The following SEC23A variants were observed in gnomAD, a reference collection of about 807,000 sequenced individuals.
The protein encoded by SEC23A is SEC23 homolog A, COPII component, also known as protein transport protein Sec23A.
A neutral mutation model predicts 103.7 loss-of-function variants in SEC23A; 56 were observed. That is an observed-to-expected ratio of 0.54 (90% CI 0.44 to 0.67). The LOEUF is 0.67. Ranked by LOEUF, SEC23A falls within the 30% of genes least tolerant of loss-of-function variation. SEC23A has a pLI of 0.00. For missense variants in SEC23A, 784 were observed against 936.4 expected (o/e 0.84, Z 2.12); for synonymous variants, 281 against 293.0 (o/e 0.96, Z 0.42).
intron 19 of SEC23A, among the ~76,000 whole-genome samples, chr14:39,035,442 T>A (rs1350289623): frequency 6.6e-6 from 1 of 152,198 alleles, no homozygotes; most frequent in Non-Finnish European, 1.5e-5. Context: ...TGAAAACTAA[T>A]AGCTAACATT....
chr14:39,074,760 C>A (rs1566501088), intron 8 of SEC23A, among the ~76,000 whole-genome samples: 1 of 152,166 alleles, frequency 6.6e-6, no homozygotes, highest in Non-Finnish European at 1.5e-5. Context: ...CTAAATGAAG[C>A]CAAACTTAAA....
Position 39,042,768 on chromosome 14 carries a change from A to C in SEC23A, c.1986+18T>G. The C allele has an allele frequency of 6.6e-7, 1 of 1,506,930 alleles. No individual in the cohort carries two copies. The highest frequency in any genetic ancestry group is 9.2e-7 in the Non-Finnish European group (1 of 1,082,592). The allele number at this position is 1,506,930 out of a possible 1,614,324, so 93.3% of individuals were successfully genotyped here. A position where few individuals can be genotyped will look rare whatever the true frequency, so the allele number is the denominator to read the frequency against. ...AAAGACTTTACATGCATAGCTTTAAATGCTATTGAAATCTTACCTCACCAT... is the reference window on the plus strand; with the variant it reads ...AAAGACTTTACATGCATAGCTTTAACTGCTATTGAAATCTTACCTCACCAT... On this transcript the variant is annotated intron_variant, in intron 17 of 19. Transcript: ENST00000307712.
intron 13 of SEC23A, among the ~76,000 whole-genome samples, chr14:39,058,324 G>A (rs979336103): frequency 8.7e-5 from 13 of 149,728 alleles, no homozygotes; most frequent in African/African-American, 2.0e-4. Flanking sequence ...TTTTTGAGAC[G>A]GAGTCTCGCT....
chr14:39,055,292 C>A lies in SEC23A; in HGVS notation c.1510G>T (p.Ala504Ser). Reference protein sequence around the residue: ...IRVTTIARNWADAQTQIQNIA... With the variant: ...IRVTTIARNWSDAQTQIQNIA... ...TTTTGGATTTGAGTTTGAGCATCTG[C>A]CCAGCTGAAGACAATAAGAAAGCAT... Residue 504 changes from alanine to serine, a missense_variant, in exon 14 of 20, where the codon GCA becomes TCA. Transcript: ENST00000307712. 6.2e-7 allele frequency: 1 copy of A among 1,614,002 alleles called. No homozygotes were observed. The highest frequency in any genetic ancestry group is 8.5e-7 in the Non-Finnish European group (1 of 1,179,958).
Position 39,045,300 on chromosome 14 carries a change from A to G in SEC23A, c.1762T>C (p.Ser588Pro). The part of the protein sequence containing the change: ...PQFMFHLRRS[S>P]FLQVFNNSPD... ...CTATTGTTAAAAACTTGCAGGAAAGAAGATCTTCTTAAATGAAACATAAAC... is the reference window on the plus strand; with the variant it reads ...CTATTGTTAAAAACTTGCAGGAAAGGAGATCTTCTTAAATGAAACATAAAC... Residue 588 changes from serine to proline, a missense_variant, in exon 16 of 20, where the codon TCT (serine) becomes CCT (proline). By Grantham distance (74) the Ser-to-Pro change is moderately conservative. Around this residue, in one of 2 missense-constraint regions of SEC23A, gnomAD observed 683 missense variants for 774.2 expected, o/e 0.88. Coordinates refer to ENST00000307712, the MANE Select transcript of SEC23A (RefSeq NM_006364.4). 1 of 1,609,828 alleles carries G rather than the reference A, an allele frequency of 6.2e-7. No homozygotes were observed. The highest frequency in any genetic ancestry group is 8.5e-7 in the Non-Finnish European group (1 of 1,176,312).
rs528191382 is a variant in SEC23A at position 39,095,653 on chromosome 14, C to A, written c.221+245G>T. 8.5e-5 allele frequency among the ~76,000 whole-genome samples: 13 copies of A among 152,194 alleles called. No homozygotes were observed. The East Asian group carries it at 2.5e-3, about 29-fold the overall frequency. On this transcript the variant is annotated intron_variant, in intron 2 of 19. Coordinates refer to ENST00000307712, the MANE Select transcript of SEC23A (RefSeq NM_006364.4). The stretch of plus-strand genomic sequence containing the variant: ...TTGATACACATCCAGCACCACTATT[C>A]AGAAGACACTGATGGAATCTAACAG...
intron 16 of SEC23A, 115 bp from the exon 17 acceptor site, chr14:39,042,987 A>ATTTT (rs1422422834): frequency 2.8e-6 from 2 of 707,496 alleles, no homozygotes; most frequent in African/African-American, 3.7e-5. Flanking sequence ...TTATTTATTT[A>ATTTT]TTTTTTTGGA....
At chr14:39,100,197 C>T (rs1293698844) in intron 1 of SEC23A, among the ~76,000 whole-genome samples, 2 of 152,168 alleles carry the variant, frequency 1.3e-5, no homozygotes, top group Non-Finnish European at 2.9e-5. Context: ...ATACTTCTTA[C>T]ATTCCCACAT....
chr14:39,052,320 A>C (rs968516524), intron 14 of SEC23A, among the ~76,000 whole-genome samples: 13 of 152,222 alleles, frequency 8.5e-5, no homozygotes, highest in Non-Finnish European at 1.8e-4. Flanking sequence ...AGTTGAAAAA[A>C]AAAAATTAAA....
intron 9 of SEC23A, among the ~76,000 whole-genome samples, chr14:39,074,089 A>G (rs1201719495): frequency 6.6e-6 from 1 of 152,200 alleles, no homozygotes; most frequent in Admixed American, 6.5e-5. Context: ...TAAATATACT[A>G]AAAGCATCAA....
chr14:39,092,924 T>C, intron 3 of SEC23A: 1 of 485,738 alleles, frequency 2.1e-6, no homozygotes. Flanking sequence ...AGTAGAGTGG[T>C]GCAATCTCGG....
intron 9 of SEC23A, among the ~76,000 whole-genome samples, chr14:39,071,943 T>A (rs9743466): frequency 6.6e-6 from 1 of 151,850 alleles, no homozygotes; most frequent in South Asian, 2.1e-4. Flanking sequence ...CCATCAAGAA[T>A]GTGAGGGAGG....
Position 39,095,887 on chromosome 14 carries a change from A to G in SEC23A, c.221+11T>C. ...CATTGCCACATTAGTTTTTCTATATATTTTACTTACCATAAAGGATTCAAA... is the reference window on the plus strand; with the variant it reads ...CATTGCCACATTAGTTTTTCTATATGTTTTACTTACCATAAAGGATTCAAA... On this transcript the variant is annotated intron_variant, in intron 2 of 19. Coordinates refer to ENST00000307712, the MANE Select transcript of SEC23A (RefSeq NM_006364.4). 1.3e-6 allele frequency: 2 copies of G among 1,575,282 alleles called. No individual in the cohort carries two copies. Among genetic ancestry groups the G allele is most frequent in the Non-Finnish European group, 1.7e-6 (2 of 1,144,770 alleles).
intron 15 of SEC23A, among the ~76,000 whole-genome samples, chr14:39,046,043 T>G (rs1455375152): frequency 2.0e-5 from 3 of 152,102 alleles, no homozygotes; most frequent in South Asian, 4.1e-4. Flanking sequence ...TCTCAGGAGA[T>G]CTGATGGTTT....
chr14:39,087,701 A>G (rs906585979), intron 5 of SEC23A: 3 of 152,350 alleles, frequency 2.0e-5, no homozygotes, highest in Non-Finnish European at 2.9e-5. Flanking sequence ...GAGTTATAAA[A>G]CTGTGTAACA....
At chr14:39,048,287 T>C (rs1885916688) in intron 15 of SEC23A, among the ~76,000 whole-genome samples, 1 of 151,460 alleles carries the variant, frequency 6.6e-6, no homozygotes, top group African/African-American at 2.4e-5. Context: ...AAAAGAGCAA[T>C]AAAAAAGGAA....
At chr14:39,062,638 G>T (rs575350871) in intron 12 of SEC23A, among the ~76,000 whole-genome samples, 89 of 152,170 alleles carry the variant, frequency 5.8e-4, no homozygotes, top group Non-Finnish European at 9.7e-4. Flanking sequence ...CCTGCATTCT[G>T]ACAACAGACA....
intron 7 of SEC23A, among the ~76,000 whole-genome samples, chr14:39,083,367 T>C (rs1887298223): frequency 6.6e-6 from 1 of 151,954 alleles, no homozygotes; most frequent in Admixed American, 6.6e-5. Flanking sequence ...GTCTCTCACC[T>C]ATCTGTGACC....
Position 39,091,644 on chromosome 14 carries a change from C to T in SEC23A, c.436G>A (p.Ala146Thr), listed in dbSNP as rs1314214833. The part of the protein sequence containing the change: ...DTCMEDEDLQ[A>T]LKESMQMSLS... ...GACATCTGCATGGATTCTTTCAGGG[C>T]TTGTAAATCTTCATCTTCCATGCAA... is the stretch of plus-strand genomic sequence containing the variant. The change falls in exon 5 of 20, where the codon GCC (alanine) becomes ACC (threonine). Residue 146 changes from alanine (A) to threonine (T), a missense_variant. Around this residue, in one of 2 missense-constraint regions of SEC23A, gnomAD observed 683 missense variants for 774.2 expected, o/e 0.88. Coordinates refer to ENST00000307712, the MANE Select transcript of SEC23A (RefSeq NM_006364.4). The T allele has an allele frequency of 1.9e-6, 3 of 1,613,852 alleles. No homozygotes were observed. Among genetic ancestry groups the T allele is most frequent in the African/African-American group, 1.3e-5 (1 of 74,914 alleles).
Sources: allele counts gnomAD v4.1 joint callset (sites outside exome capture counted in the v4.1 genomes callset), GRCh38; gene constraint gnomAD v4.1.1; regional missense constraint gnomAD v4.1.1; transcripts MANE v1.5; gene names NCBI Gene and HGNC (gene_info 2026-07-23, HGNC 2026-07-21).